The following TFIP11 variants were observed in gnomAD, a reference collection of about 807,000 sequenced individuals.
TFIP11 encodes tuftelin-interacting protein 11.
TFIP11 carries 86 observed loss-of-function variants against 96.8 expected under a neutral mutation model. The ratio of observed to expected loss-of-function variants is 0.89; its 90% CI spans 0.75 to 1.06. TFIP11 has a LOEUF of 1.06. Ranked by LOEUF, TFIP11 falls within the 50% of genes least tolerant of loss-of-function variation. The pLI is 0.00. For synonymous variants in TFIP11, 405 were observed against 395.2 expected, an observed-to-expected ratio of 1.02 and a Z score of -0.29; for missense variants, 881 against 1,076.7, an observed-to-expected ratio of 0.82 and a Z score of 2.54.
intron 10 of TFIP11, among the ~76,000 whole-genome samples, chr22:26,497,311 G>T (rs1922189887): frequency 6.6e-6 from 1 of 152,168 alleles, no homozygotes; most frequent in Admixed American, 6.5e-5. Context: ...CGCTGTACCT[G>T]GTGTGCATCC....
intron 12 of TFIP11, 128 bp from the exon 13 acceptor site, chr22:26,495,067 C>T: frequency 1.6e-6 from 2 of 1,243,576 alleles, no homozygotes; most frequent in Non-Finnish European, 2.2e-6. Flanking sequence ...GTTCAAGTGA[C>T]TCTTGTGCCT....
intron 14 of TFIP11, 82 bp from the exon 15 acceptor site, chr22:26,492,450 G>C: frequency 7.5e-7 from 1 of 1,335,036 alleles, no homozygotes; most frequent in Non-Finnish European, 1.1e-6. Flanking sequence ...CCCAGGTCTT[G>C]GGTGTGCCAG....
chr22:26,500,928 G>C (rs1193084686), intron 8 of TFIP11, among the ~76,000 whole-genome samples: 3 of 132,244 alleles, frequency 2.3e-5, no homozygotes, highest in Admixed American at 9.0e-5. Flanking sequence ...CTGTCCCCCA[G>C]GCTGGAGTGC....
rs376430909 is a variant in TFIP11 at position 26,491,565 on chromosome 22, C to G, written c.*448G>C. The G allele has an allele frequency of 2.7e-5, 43 of 1,613,954 alleles. No homozygotes were observed. Among genetic ancestry groups the G allele is most frequent in the Non-Finnish European group, 3.6e-5 (43 of 1,179,920 alleles). On this transcript the variant is annotated 3_prime_UTR_variant, in exon 15 of 15. Transcript: ENST00000407690. Reference sequence around the variant, plus strand: ...CTGGTTCCCTGTGCAAAAGCTAGAACAGCTCTCCATAGATATTTGGGAGTT... The same window carrying G: ...CTGGTTCCCTGTGCAAAAGCTAGAAGAGCTCTCCATAGATATTTGGGAGTT...
chr22:26,504,408 TTAAA>T (rs2147141490), intron 6 of TFIP11, among the ~76,000 whole-genome samples: 1 of 152,308 alleles, frequency 6.6e-6, no homozygotes, highest in East Asian at 1.9e-4. Context: ...CACTGAAGTC[TTAAA>T]TAAGAGCTAT....
chr22:26,498,821 C>G, intron 10 of TFIP11, 48 bp downstream of exon 10: 1 of 1,485,250 alleles, frequency 6.7e-7, no homozygotes, highest in South Asian at 1.1e-5. Flanking sequence ...CCTTCCCAAC[C>G]CCCCAGGAGA....
rs1398790605 is a variant in TFIP11 at position 26,498,755 on chromosome 22, C to T, written c.1436+114G>A. 2.1e-5 allele frequency: 16 copies of T among 777,742 alleles called. No individual in the cohort carries two copies. The Admixed American group carries it at 3.4e-4, about 16-fold the overall frequency. The allele number at this position is 777,742 out of a possible 1,614,324, so 48.2% of individuals were successfully genotyped here. A position where few individuals can be genotyped will look rare whatever the true frequency, so the allele number is the denominator to read the frequency against. ...ATTTAAATTCCTAAAGCACTGTCAG[C>T]ATGAGCAGAGAATTAATCAAGGCCA... On this transcript the variant is annotated intron_variant, in intron 10 of 14. Transcript: ENST00000407690.
At chr22:26,508,593 C>T (rs1211207990) in intron 4 of TFIP11, among the ~76,000 whole-genome samples, 2 of 152,148 alleles carry the variant, frequency 1.3e-5, no homozygotes, top group African/African-American at 4.8e-5. Context: ...TGGTGGCTCA[C>T]GCCTGTAATC....
chr22:26,503,443 G>A (rs2147139829), intron 7 of TFIP11, among the ~76,000 whole-genome samples: 1 of 152,250 alleles, frequency 6.6e-6, no homozygotes, highest in South Asian at 2.1e-4. Context: ...GGCAGCTCCT[G>A]GCACCTTCTG....
chr22:26,498,817 C>T, intron 10 of TFIP11, 52 bp downstream of exon 10: 1 of 1,494,242 alleles, frequency 6.7e-7, no homozygotes, highest in Non-Finnish European at 9.3e-7. Context: ...CAATCCTTCC[C>T]AACCCCCCAG....
intron 7 of TFIP11, among the ~76,000 whole-genome samples, chr22:26,502,615 G>A (rs1291061740): frequency 2.6e-5 from 4 of 152,110 alleles, no homozygotes; most frequent in Admixed American, 2.0e-4. Context: ...TTAGTGTGAC[G>A]GTAGTAAAGT....
rs1488029123 is a variant in TFIP11, at chr22:26,496,237, C to CGT, written c.1683_1684dup (p.Arg562HisfsTer52). The stretch of plus-strand genomic sequence containing the variant: ...GATGGGGGAATAGAGTGGCTCCAGC[C>CGT]GTGCCTGCATAAGGGGCAGCCATGG... On this transcript the variant is annotated frameshift_variant, in exon 12 of 15. Coordinates refer to ENST00000407690, the MANE Select transcript of TFIP11 (RefSeq NM_012143.4). LOFTEE classifies it high-confidence loss of function. 1 of 1,613,706 alleles carries CGT rather than the reference C, an allele frequency of 6.2e-7. No individual in the cohort carries two copies. Among genetic ancestry groups the CGT allele is most frequent in the Non-Finnish European group, 8.5e-7 (1 of 1,179,950 alleles).
At chr22:26,503,817 AAG>A (rs1491344321) in intron 6 of TFIP11, 24 bp from the exon 7 acceptor site, 38 of 1,610,352 alleles carry the variant, frequency 2.4e-5, no homozygotes, top group East Asian at 1.6e-4. Flanking sequence ...GCAAAAAAAA[AAG>A]AGAGTCTTAC....
intron 14 of TFIP11, chr22:26,492,715 C>T (rs563427702): frequency 3.0e-4 from 72 of 241,866 alleles, no homozygotes; most frequent in Middle Eastern, 1.6e-3. Context: ...CCATTTCCCA[C>T]CACCAAAGAG....
At chr22:26,509,263 G>A (rs930109978) in intron 4 of TFIP11, among the ~76,000 whole-genome samples, 7 of 152,190 alleles carry the variant, frequency 4.6e-5, no homozygotes, top group Admixed American at 1.3e-4. Context: ...CCCATCAAGG[G>A]CCTTTGCATA....
intron 8 of TFIP11, 77 bp downstream of exon 8, chr22:26,501,823 C>G (rs897505545): frequency 2.3e-6 from 2 of 874,166 alleles, no homozygotes; most frequent in South Asian, 2.5e-5. Flanking sequence ...GCTAAAAGAT[C>G]CAAAAAACCC....
At chr22:26,509,650 G>C (rs1428143023) in intron 4 of TFIP11, among the ~76,000 whole-genome samples, 1 of 152,186 alleles carries the variant, frequency 6.6e-6, no homozygotes, top group South Asian at 2.1e-4. Flanking sequence ...GAGGTCAGGA[G>C]TTCAAGACCA....
At chr22:26,503,245 C>T (rs150767690) in intron 7 of TFIP11, among the ~76,000 whole-genome samples, 1,774 of 152,276 alleles carry the variant, frequency 0.012, 123 homozygotes, top group Admixed American at 0.11. Flanking sequence ...GCCCTCCCAC[C>T]GCAAGGGCTT....
At chr22:26,497,874 C>CAAAAAAAAAAA in intron 10 of TFIP11, among the ~76,000 whole-genome samples, 1 of 89,168 alleles carries the variant, frequency 1.1e-5, no homozygotes. Flanking sequence ...GACTTCATCT[C>CAAAAAAAAAAA]AAAAAAAAAA....
Sources: allele counts gnomAD v4.1 joint callset (sites outside exome capture counted in the v4.1 genomes callset), GRCh38; gene constraint gnomAD v4.1.1; transcripts MANE v1.5; gene names NCBI Gene and HGNC (gene_info 2026-07-23, HGNC 2026-07-21).